Variants in CD82 observed in about 807,000 individuals in gnomAD.
CD82 encodes the protein CD82 molecule.
Under a neutral mutation model 37.4 loss-of-function variants are expected in CD82, and 36 were observed. That is an observed-to-expected ratio of 0.96 (90% CI 0.74 to 1.27). The LOEUF is 1.27. CD82 is among the 50% of genes most tolerant of loss of function. CD82 has a pLI of 0.00. For missense variants in CD82, 340 were observed against 347.0 expected (o/e 0.98, Z 0.16); for synonymous variants, 158 against 137.4 (o/e 1.15, Z -1.05).
intron 6 of CD82, among the ~76,000 whole-genome samples, chr11:44,608,712 C>G (rs1411547856): frequency 1.3e-5 from 2 of 152,272 alleles, no homozygotes; most frequent in African/African-American, 4.8e-5. Context: ...TGAACAGAAG[C>G]AAGGCTATGT....
In CD82 at chr11:44,597,946, C is replaced by G. The variant is rs1853252232; in HGVS notation, c.64-2212C>G. Among the ~76,000 whole-genome samples the G allele has an allele frequency of 6.6e-6, 1 of 152,032 alleles. No homozygotes were observed. Among genetic ancestry groups the G allele is most frequent in the Admixed American group, 6.5e-5 (1 of 15,276 alleles). On this transcript the variant is annotated intron_variant, in intron 3 of 9. Transcript: ENST00000227155. This position sits in a 1 kb window ranked among gnomAD's most constrained non-coding sequence, Gnocchi z 4.1. The stretch of plus-strand genomic sequence containing the variant: ...ACCCACCTTCCAGCAGACTCTTCTC[C>G]TCCCCAGTGTCTCAGGGGCTTTTCT...
chr11:44,586,719 C>T (rs1305726972), intron 1 of CD82, among the ~76,000 whole-genome samples: 1 of 152,206 alleles, frequency 6.6e-6, no homozygotes, highest in Non-Finnish European at 1.5e-5. Flanking sequence ...ATCTCTACCC[C>T]AATCCAGCGA....
chr11:44,590,780 G>A (rs1430681317), intron 2 of CD82, among the ~76,000 whole-genome samples: 1 of 152,102 alleles, frequency 6.6e-6, no homozygotes, highest in East Asian at 1.9e-4. Context: ...CTCAGTATGG[G>A]AGGGCAGAGC....
intron 2 of CD82, among the ~76,000 whole-genome samples, chr11:44,594,292 C>T (rs1391127553): frequency 3.9e-5 from 6 of 152,084 alleles, no homozygotes; most frequent in South Asian, 2.1e-4. Context: ...ACTAACTTCC[C>T]GGCCCCCTGA....
At chr11:44,566,794 C>CT (rs148893447) in intron 1 of CD82, among the ~76,000 whole-genome samples, 7,315 of 149,448 alleles carry the variant, frequency 0.049, 216 homozygotes, top group Middle Eastern at 0.11. Context: ...GGGAATGAGC[C>CT]TTTTTTTTTT....
rs1363213620 is a variant in CD82, at chr11:44,618,359, C to T, written c.636C>T (p.Tyr212=). The change falls in exon 8 of 10, where the codon TAC becomes TAT. Residue 212 remains tyrosine, a synonymous_variant. Transcript: ENST00000227155. The part of the protein sequence containing the change: ...SGNHPEDWPV[Y]QEGCMEKVQA... ...ACCACCCTGAGGACTGGCCTGTGTA[C>T]CAGGAGGTGTGCGGGGGGCTGCGGA... is the stretch of plus-strand genomic sequence containing the variant. The T allele has an allele frequency of 2.5e-6, 4 of 1,612,908 alleles. No individual in the cohort carries two copies. Among genetic ancestry groups the T allele is most frequent in the South Asian group, 1.1e-5 (1 of 91,070 alleles).
intron 1 of CD82, among the ~76,000 whole-genome samples, chr11:44,585,963 C>A (rs914375676): frequency 2.6e-5 from 4 of 152,174 alleles, no homozygotes; most frequent in African/African-American, 9.7e-5. Flanking sequence ...GTGCAGGGAG[C>A]TTCATGTGAC....
chr11:44,618,845 C>G, intron 9 of CD82, 122 bp downstream of exon 9: 1 of 904,696 alleles, frequency 1.1e-6, no homozygotes, highest in Non-Finnish European at 1.7e-6. Context: ...TCCAGAGGCC[C>G]TCTGGTCTGA....
chr11:44,600,353 G>GTCAGC, intron 4 of CD82, 123 bp downstream of exon 4: 1 of 903,150 alleles, frequency 1.1e-6, no homozygotes, highest in African/African-American at 1.6e-5. Flanking sequence ...CTGACCTCAG[G>GTCAGC]GATGTGGCGA....
At chr11:44,572,511 G>A (rs754895256) in intron 1 of CD82, among the ~76,000 whole-genome samples, 31 of 152,120 alleles carry the variant, frequency 2.0e-4, no homozygotes, top group Non-Finnish European at 3.7e-4. Context: ...TTCGAAGGAG[G>A]GATGGGATGT....
chr11:44,583,733 T>C (rs1199801885), intron 1 of CD82, among the ~76,000 whole-genome samples: 2 of 152,230 alleles, frequency 1.3e-5, no homozygotes, highest in South Asian at 2.1e-4. Context: ...ATCTGTTAAA[T>C]GGGGATAATA....
rs1229646916 is a variant in CD82 at position 44,618,683 on chromosome 11, G to A, written c.686G>A (p.Gly229Asp). 3.1e-6 allele frequency: 5 copies of A among 1,613,272 alleles called. No individual in the cohort carries two copies. Among genetic ancestry groups the A allele is most frequent in the African/African-American group, 2.7e-5 (2 of 74,894 alleles). ...CAGGCGTGGCTGCAGGAGAACCTGG[G>A]CATCATCCTCGGCGTGGGCGTGGGT... ...KVQAWLQENLGIILGVGVGVA... is the reference protein window; with the variant it reads ...KVQAWLQENLDIILGVGVGVA... Residue 229 changes from glycine (G) to aspartate (D), a missense_variant, in exon 9 of 10, where the codon GGC becomes GAC. Physicochemically the swap from Gly to Asp is moderately conservative, Grantham distance 94. Transcript: ENST00000227155.
intron 4 of CD82, among the ~76,000 whole-genome samples, chr11:44,601,347 C>T (rs889518776): frequency 3.3e-5 from 5 of 151,982 alleles, no homozygotes; most frequent in African/African-American, 9.7e-5. Context: ...ATGATCTACA[C>T]TCTAGCCACA....
intron 2 of CD82, among the ~76,000 whole-genome samples, chr11:44,589,393 CA>C (rs1452292563): frequency 6.6e-6 from 1 of 152,230 alleles, no homozygotes; most frequent in Non-Finnish European, 1.5e-5. Flanking sequence ...GTTTTTAACA[CA>C]GGAAAGCTTG....
At chr11:44,571,527 ATAGT>A (rs1419725080) in intron 1 of CD82, among the ~76,000 whole-genome samples, 3 of 152,230 alleles carry the variant, frequency 2.0e-5, no homozygotes, top group Non-Finnish European at 4.4e-5. Context: ...CGCCTGGCAC[ATAGT>A]TAGTGCTATA....
At chr11:44,569,882 A>T (rs11038064) in intron 1 of CD82, among the ~76,000 whole-genome samples, 38,747 of 152,074 alleles carry the variant, frequency 0.25, 5,119 homozygotes, top group Middle Eastern at 0.29. Flanking sequence ...GCAAATGGGG[A>T]TAATAATGGT....
Position 44,587,533 on chromosome 11 carries a change from C to T in CD82, c.-44C>T, listed in dbSNP as rs1261172011. On this transcript the variant is annotated 5_prime_UTR_variant, in exon 2 of 10. Transcript: ENST00000227155. ...GCACAGGCAGAAGTGGGCCCTGTGA[C>T]CAGCTGCACTGGTTTCGTGGAAGGT... 1.1e-5 allele frequency: 5 copies of T among 456,220 alleles called. No individual in the cohort carries two copies. The East Asian group carries it at 2.1e-4, about 19-fold the overall frequency. The allele number at this position is 456,220 out of a possible 1,614,324, so 28.3% of individuals were successfully genotyped here. A position where few individuals can be genotyped will look rare whatever the true frequency, so the allele number is the denominator to read the frequency against.
chr11:44,618,329 T>A lies in CD82; in HGVS notation c.606T>A (p.Ser202Arg). Residue 202 changes from serine (S) to arginine (R), a missense_variant, in exon 8 of 10, where the codon AGT becomes AGA. Transcript: ENST00000227155. Reference protein sequence around the residue: ...FCEAPGNRTQSGNHPEDWPVY... With the variant: ...FCEAPGNRTQRGNHPEDWPVY... ...AGGCCCCCGGCAACAGGACCCAGAGTGGCAACCACCCTGAGGACTGGCCTG... is the reference window on the plus strand; with the variant it reads ...AGGCCCCCGGCAACAGGACCCAGAGAGGCAACCACCCTGAGGACTGGCCTG... The A allele has an allele frequency of 6.2e-7, 1 of 1,613,436 alleles. No individual in the cohort carries two copies.
chr11:44,607,808 C>G (rs140516649), intron 6 of CD82, among the ~76,000 whole-genome samples: 1 of 152,236 alleles, frequency 6.6e-6, no homozygotes, highest in Admixed American at 6.5e-5. Context: ...CCCTATCCAC[C>G]ACGCTGCCCT....
Sources: gnomAD v4.1 joint callset for allele counts (sites outside exome capture counted in the v4.1 genomes callset) on GRCh38, gnomAD v4.1.1 for gene constraint, Gnocchi (gnomAD v3.1) non-coding constraint, MANE v1.5 for transcripts, NCBI Gene and HGNC (gene_info 2026-07-23, HGNC 2026-07-21) for gene names.